DGKG: variants seen among roughly 807,000 people sequenced by gnomAD.
DGKG encodes diacylglycerol kinase gamma.
A neutral mutation model predicts 105.3 loss-of-function variants in DGKG; 78 were observed. The observed-to-expected ratio is 0.74, with a 90% CI of 0.62 to 0.89. The LOEUF (loss-of-function observed/expected upper bound fraction) is 0.89, where lower values mean the gene tolerates loss of function less well. DGKG is among the 40% of genes least tolerant of loss of function. DGKG has a pLI of 0.00. For synonymous variants in DGKG, 346 were observed against 367.1 expected (o/e 0.94, Z 0.66); for missense variants, 958 against 1,020.1 (o/e 0.94, Z 0.83).
At chr3:186,288,142 A>C (rs1400302957) in intron 6 of DGKG, among the ~76,000 whole-genome samples, 1 of 152,148 alleles carries the variant, frequency 6.6e-6, no homozygotes, top group Non-Finnish European at 1.5e-5. Flanking sequence ...AGCACCACGA[A>C]ACTGAGCTCA....
chr3:186,351,628 T>C (rs950350878), intron 1 of DGKG, among the ~76,000 whole-genome samples: 1 of 152,178 alleles, frequency 6.6e-6, no homozygotes, highest in Non-Finnish European at 1.5e-5. Flanking sequence ...TCATGGCAGG[T>C]GATTCTTACA....
intron 19 of DGKG, among the ~76,000 whole-genome samples, chr3:186,245,423 G>A (rs1047150022): frequency 3.3e-5 from 5 of 152,284 alleles, no homozygotes; most frequent in Non-Finnish European, 4.4e-5. Context: ...ACTCTCTGGA[G>A]CTTCTATGTC....
chr3:186,341,500 A>G (rs1726084339), intron 1 of DGKG, among the ~76,000 whole-genome samples: 1 of 152,232 alleles, frequency 6.6e-6, no homozygotes, highest in African/African-American at 2.4e-5. Context: ...AATAAAATAT[A>G]AAAGAGTTGG....
intron 1 of DGKG, among the ~76,000 whole-genome samples, chr3:186,354,455 A>G (rs748627568): frequency 6.6e-6 from 1 of 152,362 alleles, no homozygotes; most frequent in Non-Finnish European, 1.5e-5. Context: ...AGGCGAGAAG[A>G]AAACTTCCAA....
At chr3:186,296,602 C>A (rs866841608) in intron 5 of DGKG, among the ~76,000 whole-genome samples, 3 of 152,228 alleles carry the variant, frequency 2.0e-5, no homozygotes, top group Non-Finnish European at 4.4e-5. Flanking sequence ...GCAGCAGGCA[C>A]CACTACAGCA....
At chr3:186,227,007 C>T (rs557973468) in intron 20 of DGKG, among the ~76,000 whole-genome samples, 1 of 152,194 alleles carries the variant, frequency 6.6e-6, no homozygotes, top group African/African-American at 2.4e-5. Context: ...AATTTAAACA[C>T]TCCTACAATC....
intron 10 of DGKG, among the ~76,000 whole-genome samples, chr3:186,274,076 TGTA>T (rs1722461848): frequency 6.6e-6 from 1 of 152,232 alleles, no homozygotes; most frequent in South Asian, 2.1e-4. Flanking sequence ...CTCTACCACT[TGTA>T]GTTTTTTCCA....
At chr3:186,157,952 C>T (rs1031605589) in intron 24 of DGKG, among the ~76,000 whole-genome samples, 4 of 152,192 alleles carry the variant, frequency 2.6e-5, no homozygotes, top group African/African-American at 9.6e-5. Flanking sequence ...ATCCTCGTGC[C>T]TCAGCCTCCC....
rs969264349 is a variant in DGKG at position 186,361,259 on chromosome 3, T to G, written c.-249+687A>C. 6.6e-6 allele frequency among the ~76,000 whole-genome samples: 1 copy of G among 151,980 alleles called. No homozygotes were observed. Among genetic ancestry groups the G allele is most frequent in the Non-Finnish European group, 1.5e-5 (1 of 67,970 alleles). On this transcript the variant is annotated intron_variant, in intron 1 of 24. Coordinates refer to ENST00000265022, the MANE Select transcript of DGKG (RefSeq NM_001346.3). This position sits in a 1 kb window ranked among gnomAD's most constrained non-coding sequence, Gnocchi z 6.8. ...ATTCCACTAGTTCAAACGAAGAAAA[T>G]CTCAGACTAGGCAAGGGGAGGTGGA...
chr3:186,255,392 C>G (rs577353532), intron 17 of DGKG, among the ~76,000 whole-genome samples: 1 of 152,336 alleles, frequency 6.6e-6, no homozygotes, highest in East Asian at 1.9e-4. Context: ...AACAGAGGAG[C>G]ACTGTCGTAT....
At chr3:186,293,599 GAA>G (rs1200110191) in intron 5 of DGKG, among the ~76,000 whole-genome samples, 1 of 152,182 alleles carries the variant, frequency 6.6e-6, no homozygotes, top group Non-Finnish European at 1.5e-5. Context: ...CCTCCGAGCC[GAA>G]GTCTGGACCC....
Position 186,253,240 on chromosome 3 carries a change from G to A in DGKG, c.1511-58C>T, listed in dbSNP as rs571322859. 1.5e-5 allele frequency: 21 copies of A among 1,416,870 alleles called. No homozygotes were observed. In the South Asian group the frequency reaches 2.1e-4, roughly 14 times the overall value. 87.8% of individuals were successfully genotyped at this position (1,416,870 alleles called of 1,614,324 possible). On this transcript the variant is annotated intron_variant, in intron 17 of 24. Coordinates refer to ENST00000265022, the MANE Select transcript of DGKG (RefSeq NM_001346.3). ...TGCCATGGGACTGTAGAATGTTTGA[G>A]TTGTCTTTTTATCCCTGATCTGATG...
At chr3:186,275,813 A>C in intron 9 of DGKG, 149 bp from the exon 10 acceptor site, 1 of 560,900 alleles carries the variant, frequency 1.8e-6, no homozygotes. Flanking sequence ...ATAAAAACAA[A>C]ATTTTTGTGT....
At position 186,320,630 on chromosome 3, in the gene DGKG, T is replaced by C. The variant is rs1725033415; in HGVS notation, c.-171A>G. ...GCAGCAGCAGGCACCTCTCAGAAGATGAGACAAGATCTCTGCTATTCCTTA... is the reference window on the plus strand; with the variant it reads ...GCAGCAGCAGGCACCTCTCAGAAGACGAGACAAGATCTCTGCTATTCCTTA... On this transcript the variant is annotated 5_prime_UTR_variant, in exon 2 of 25. Transcript: ENST00000265022. 7 of 1,088,754 alleles carry C rather than the reference T, an allele frequency of 6.4e-6. No individual in the cohort carries two copies. In the South Asian group the frequency reaches 1.4e-4, roughly 22 times the overall value. 67.4% of individuals were successfully genotyped at this position (1,088,754 alleles called of 1,614,324 possible).
intron 1 of DGKG, among the ~76,000 whole-genome samples, chr3:186,342,678 C>T (rs936058202): frequency 3.3e-5 from 5 of 151,984 alleles, no homozygotes; most frequent in Non-Finnish European, 5.9e-5. Flanking sequence ...ACAAGCCACT[C>T]CAGCTCAGAA....
intron 6 of DGKG, among the ~76,000 whole-genome samples, chr3:186,288,216 C>T (rs1039392343): frequency 6.6e-6 from 1 of 151,994 alleles, no homozygotes; most frequent in African/African-American, 2.4e-5. Context: ...GGCGGGGGGG[C>T]ATAGGTAGAG....
rs186886978 is a variant in DGKG at position 186,233,970 on chromosome 3, C to T, written c.1826+8534G>A. On this transcript the variant is annotated intron_variant, in intron 20 of 24. Transcript: ENST00000265022. ...GAATCCAGGTTGTATGATAATGGAA[C>T]CTTTCCTACTGGGCACTTGCTTCCA... is the stretch of plus-strand genomic sequence containing the variant. 1.7e-3 allele frequency among the ~76,000 whole-genome samples: 256 copies of T among 152,328 alleles called. No homozygotes were observed. The Middle Eastern group carries it at 0.054, about 32-fold the overall frequency.
chr3:186,158,826 T>C, intron 24 of DGKG: 2 of 905,790 alleles, frequency 2.2e-6, no homozygotes, highest in Non-Finnish European at 2.6e-6. Flanking sequence ...TTATGACCAC[T>C]ATATCTCATA....
chr3:186,297,656 A>G (rs191882796), intron 4 of DGKG, among the ~76,000 whole-genome samples, 173 bp from the exon 5 acceptor site: 1 of 152,076 alleles, frequency 6.6e-6, no homozygotes, highest in Non-Finnish European at 1.5e-5. Context: ...CTCCCCCATT[A>G]TAGCCCAAGC....
Sources: allele counts gnomAD v4.1 joint callset (sites outside exome capture counted in the v4.1 genomes callset), GRCh38; gene constraint gnomAD v4.1.1; non-coding constraint Gnocchi (gnomAD v3.1); transcripts MANE v1.5; gene names NCBI Gene and HGNC (gene_info 2026-07-23, HGNC 2026-07-21).